The following FBLN7 variants were observed in gnomAD, a reference collection of about 807,000 sequenced individuals.
FBLN7 encodes the protein fibulin 7, also known as fibulin-7.
Under a neutral mutation model 44.0 loss-of-function variants are expected in FBLN7, and 31 were observed. That is an observed-to-expected ratio of 0.70 (90% confidence interval 0.53 to 0.95). The LOEUF (loss-of-function observed/expected upper bound fraction) is 0.95. FBLN7 is among the 40% of genes least tolerant of loss of function. The pLI is 0.00. For missense variants in FBLN7, 573 were observed against 618.5 expected, an observed-to-expected ratio of 0.93 and a Z score of 0.78; for synonymous variants, 262 against 253.4, an observed-to-expected ratio of 1.03 and a Z score of -0.32.
intron 1 of FBLN7, chr2:112,151,191 G>A (rs1283751424): frequency 1.3e-5 from 2 of 152,302 alleles, no homozygotes; most frequent in Non-Finnish European, 2.9e-5. Context: ...GTGGGCAAAC[G>A]GGAAGGGAAG....
At chr2:112,149,256 G>T (rs1404347894) in intron 1 of FBLN7, among the ~76,000 whole-genome samples, 1 of 152,096 alleles carries the variant, frequency 6.6e-6, no homozygotes, top group Non-Finnish European at 1.5e-5. Context: ...ATTGGGCAGT[G>T]AGTGTAAAGG....
intron 3 of FBLN7, among the ~76,000 whole-genome samples, chr2:112,166,285 A>G (rs1033401135): frequency 6.6e-6 from 1 of 152,188 alleles, no homozygotes; most frequent in South Asian, 2.1e-4. Flanking sequence ...TCCTGGCTTC[A>G]AGTTATCTGC....
intron 1 of FBLN7, among the ~76,000 whole-genome samples, chr2:112,144,812 A>AC (rs1680830003): frequency 6.6e-6 from 1 of 152,208 alleles, no homozygotes; most frequent in Non-Finnish European, 1.5e-5. Flanking sequence ...GGCGTGAGCC[A>AC]CCGTGCCTGG....
the FBLN7 span, among the ~76,000 whole-genome samples, chr2:112,224,421 G>A: frequency 1.3e-5 from 2 of 152,182 alleles, no homozygotes; most frequent in Non-Finnish European, 2.9e-5. Flanking sequence ...ACTTGACAGA[G>A]TTTCTACCAG....
intron 1 of FBLN7, among the ~76,000 whole-genome samples, chr2:112,149,372 G>A (rs1326257524): frequency 6.6e-6 from 1 of 152,202 alleles, no homozygotes; most frequent in African/African-American, 2.4e-5. Context: ...TGTCCTCCCA[G>A]GTCTGCTCAC....
At chr2:112,143,115 C>T (rs555047517) in intron 1 of FBLN7, among the ~76,000 whole-genome samples, 9 of 152,138 alleles carry the variant, frequency 5.9e-5, no homozygotes, top group Non-Finnish European at 1.3e-4. Context: ...GCATCTGTCC[C>T]AAGTCACTTT....
chr2:112,236,574 G>C, the FBLN7 span: 10 of 1,613,436 alleles, frequency 6.2e-6, no homozygotes, highest in Non-Finnish European at 8.5e-6. Context: ...CTTCCTGTGA[G>C]CCGCTGTTCC....
intron 7 of FBLN7, among the ~76,000 whole-genome samples, chr2:112,186,094 TAGAG>T (rs954665052): frequency 2.6e-5 from 4 of 152,118 alleles, no homozygotes; most frequent in African/African-American, 9.7e-5. Context: ...TGGCAGTTTT[TAGAG>T]AGAGTGAAGA....
At chr2:112,242,738 T>G in the FBLN7 span, among the ~76,000 whole-genome samples, 1 of 152,148 alleles carries the variant, frequency 6.6e-6, no homozygotes, top group Admixed American at 6.5e-5. Flanking sequence ...TATTCCCAAC[T>G]CACAAGAGAG....
chr2:112,191,500 A>G (rs1683490157), downstream of FBLN7, among the ~76,000 whole-genome samples: 1 of 152,040 alleles, frequency 6.6e-6, no homozygotes, highest in African/African-American at 2.4e-5. Flanking sequence ...ACATAGCTTC[A>G]TTGATCCTCT....
At chr2:112,182,693 C>T (rs1683063262) in intron 5 of FBLN7, 98 bp from the exon 6 acceptor site, 2 of 1,443,442 alleles carry the variant, frequency 1.4e-6, no homozygotes, top group African/African-American at 1.4e-5. Context: ...ACTGCAGCTG[C>T]CACTGCCTCC....
chr2:112,198,365 G>A, the FBLN7 span, among the ~76,000 whole-genome samples: 101 of 152,154 alleles, frequency 6.6e-4, no homozygotes, highest in East Asian at 0.018. Context: ...GGCTGAGTGC[G>A]GTGGCTCATG....
the FBLN7 span, chr2:112,238,279 G>C: frequency 6.3e-7 from 1 of 1,595,522 alleles, no homozygotes; most frequent in Non-Finnish European, 8.5e-7. Flanking sequence ...TGCTTCTCTA[G>C]ATAAACTTTA....
At chr2:112,224,113 A>G in the FBLN7 span, among the ~76,000 whole-genome samples, 1 of 152,196 alleles carries the variant, frequency 6.6e-6, no homozygotes, top group African/African-American at 2.4e-5. Context: ...ACTGCACTCC[A>G]GCTTAGGTGA....
At chr2:112,244,486 G>T in the FBLN7 span, among the ~76,000 whole-genome samples, 6 of 152,264 alleles carry the variant, frequency 3.9e-5, no homozygotes, top group Non-Finnish European at 7.4e-5. Context: ...AGGTATATAA[G>T]ATGTGAGATA....
At chr2:112,217,397 CA>C in the FBLN7 span, among the ~76,000 whole-genome samples, 2 of 151,956 alleles carry the variant, frequency 1.3e-5, no homozygotes, top group Non-Finnish European at 2.9e-5. Context: ...AAGTGATGGG[CA>C]AATGAATATT....
the FBLN7 span, among the ~76,000 whole-genome samples, chr2:112,243,578 CAAA>C: frequency 0.019 from 2,858 of 152,162 alleles, 83 homozygotes; most frequent in African/African-American, 0.063. Context: ...AATTACCTCA[CAAA>C]GAAGAATCCC....
At chr2:112,207,319 T>G in the FBLN7 span, among the ~76,000 whole-genome samples, 1 of 152,116 alleles carries the variant, frequency 6.6e-6, no homozygotes, top group East Asian at 1.9e-4. Flanking sequence ...ATACAAAAAT[T>G]AGCCGGGTGT....
intron 1 of FBLN7, among the ~76,000 whole-genome samples, chr2:112,154,249 A>G (rs930330770): frequency 6.6e-6 from 1 of 152,222 alleles, no homozygotes; most frequent in African/African-American, 2.4e-5. Flanking sequence ...ATTCGTCATT[A>G]TTTATTGTCA....
Sources: allele counts gnomAD v4.1 joint callset (sites outside exome capture counted in the v4.1 genomes callset), GRCh38; gene constraint gnomAD v4.1.1; transcripts MANE v1.5; gene names NCBI Gene and HGNC (gene_info 2026-07-23, HGNC 2026-07-21).